ANKRD6: variants seen among roughly 807,000 people sequenced by gnomAD.
ANKRD6 encodes ankyrin repeat domain-containing protein 6.
Under a neutral mutation model 82.3 loss-of-function variants are expected in ANKRD6, and 56 were observed. That is an observed-to-expected ratio of 0.68 (90% CI 0.55 to 0.85). ANKRD6 has a LOEUF of 0.85. Among genes scored for constraint, ANKRD6 ranks in the 40% least tolerant of loss-of-function variants. ANKRD6 has a pLI of 0.00. For missense variants in ANKRD6, 852 were observed against 907.6 expected (o/e 0.94, Z 0.79); for synonymous variants, 347 against 352.1 (o/e 0.99, Z 0.16).
intron 10 of ANKRD6, among the ~76,000 whole-genome samples, chr6:89,622,470 A>C (rs1213604198): frequency 6.6e-6 from 1 of 152,168 alleles, no homozygotes; most frequent in East Asian, 1.9e-4. Context: ...GGGCCCAGCA[A>C]TCTGTGTTGG....
chr6:89,512,748 T>A (rs1780704825), intron 1 of ANKRD6, among the ~76,000 whole-genome samples: 2 of 152,182 alleles, frequency 1.3e-5, no homozygotes, highest in Non-Finnish European at 2.9e-5. Context: ...CACATAAATA[T>A]CAATTTTAAT....
intron 1 of ANKRD6, among the ~76,000 whole-genome samples, chr6:89,538,727 G>A (rs922930392): frequency 6.6e-6 from 1 of 152,064 alleles, no homozygotes; most frequent in African/African-American, 2.4e-5. Flanking sequence ...TATCTAGGGG[G>A]AAATTCCATC....
chr6:89,624,441 C>T (rs1424242850), intron 12 of ANKRD6, 98 bp from the exon 13 acceptor site: 5 of 1,412,940 alleles, frequency 3.5e-6, no homozygotes, highest in Non-Finnish European at 4.8e-6. Flanking sequence ...TCCATCATCT[C>T]TATCCCCTGG....
At chr6:89,450,540 A>AGG (rs1467613319) in intron 1 of ANKRD6, among the ~76,000 whole-genome samples, 1 of 152,162 alleles carries the variant, frequency 6.6e-6, no homozygotes, top group Non-Finnish European at 1.5e-5. Flanking sequence ...TATTTTTCAG[A>AGG]GGGAGTCTCA....
intron 1 of ANKRD6, among the ~76,000 whole-genome samples, chr6:89,543,373 T>G (rs912214564): frequency 3.3e-5 from 5 of 152,214 alleles, no homozygotes; most frequent in African/African-American, 1.2e-4. Flanking sequence ...ATTTATATAC[T>G]TGGGGACAAG....
chr6:89,489,354 A>C (rs910165844), intron 1 of ANKRD6, among the ~76,000 whole-genome samples: 1 of 152,188 alleles, frequency 6.6e-6, no homozygotes, highest in African/African-American at 2.4e-5. Flanking sequence ...ACAGAACAGA[A>C]GGAAGTTTTT....
intron 10 of ANKRD6, 114 bp from the exon 11 acceptor site, chr6:89,623,296 A>G (rs1436665658): frequency 1.3e-5 from 18 of 1,355,304 alleles, no homozygotes; most frequent in Non-Finnish European, 1.7e-5. Flanking sequence ...GTTATTTGCA[A>G]AGGTTCTCGT....
intron 13 of ANKRD6, among the ~76,000 whole-genome samples, chr6:89,625,479 G>A (rs1483402896): frequency 6.6e-6 from 1 of 152,092 alleles, no homozygotes; most frequent in Non-Finnish European, 1.5e-5. Context: ...GTGAATGCTT[G>A]TATATAATCC....
chr6:89,591,471 G>A (rs75711656), intron 2 of ANKRD6, among the ~76,000 whole-genome samples: 3,887 of 152,296 alleles, frequency 0.026, 184 homozygotes, highest in African/African-American at 0.089. Context: ...AGTCCTAGGG[G>A]CATGGAAATG....
At chr6:89,488,866 ATCTATTCTAT>A (rs57575981) in intron 1 of ANKRD6, among the ~76,000 whole-genome samples, 6,787 of 143,188 alleles carry the variant, frequency 0.047, 285 homozygotes, top group African/African-American at 0.11. Context: ...AAATATATCG[ATCTATTCTAT>A]TCTATTCTAT....
At chr6:89,557,585 G>C (rs1786787145) in intron 1 of ANKRD6, among the ~76,000 whole-genome samples, 1 of 152,124 alleles carries the variant, frequency 6.6e-6, no homozygotes, top group South Asian at 2.1e-4. Context: ...CAGCCGGTGG[G>C]AGTGCAACAT....
chr6:89,562,290 G>A (rs1381199033), intron 1 of ANKRD6: 1 of 152,240 alleles, frequency 6.6e-6, no homozygotes, highest in African/African-American at 2.4e-5. Flanking sequence ...TGCTCAGCCA[G>A]ACCCTTGTCT....
At chr6:89,513,506 A>G (rs1396845327) in intron 1 of ANKRD6, among the ~76,000 whole-genome samples, 1 of 152,226 alleles carries the variant, frequency 6.6e-6, no homozygotes, top group Non-Finnish European at 1.5e-5. Context: ...TTTGCTTAGC[A>G]GGATATTTGC....
At chr6:89,596,295 T>G (rs1164186998) in intron 3 of ANKRD6, among the ~76,000 whole-genome samples, 1 of 152,044 alleles carries the variant, frequency 6.6e-6, no homozygotes, top group Non-Finnish European at 1.5e-5. Flanking sequence ...TTGTACAAAA[T>G]GCCTCAAAGG....
At position 89,630,752 on chromosome 6, in the gene ANKRD6, G is replaced by T; in HGVS notation, c.1932G>T (p.Gln644His). 6.2e-7 allele frequency: 1 copy of T among 1,613,718 alleles called. No individual in the cohort carries two copies. The highest frequency in any genetic ancestry group is 1.3e-5 in the African/African-American group (1 of 75,076). Residue 644 changes from glutamine (Q) to histidine (H), a missense_variant, in exon 16 of 16, where the codon CAG becomes CAT. By Grantham distance (24) the Gln-to-His change is conservative (BLOSUM62 0). Transcript: ENST00000339746. ...CCGCAGCCAGCAGCACCTGTGGGCA[G>T]CCGCCACCAGCCACAGGCAGCGAGC... is the stretch of plus-strand genomic sequence containing the variant. ...QQPAASSTCG[Q>H]PPPATGSEQT...
At chr6:89,579,634 G>T (rs186729666) in intron 2 of ANKRD6, among the ~76,000 whole-genome samples, 9 of 151,522 alleles carry the variant, frequency 5.9e-5, no homozygotes. Context: ...GTGCACGCCT[G>T]TAATCCCAGC....
intron 1 of ANKRD6, among the ~76,000 whole-genome samples, chr6:89,527,298 T>C (rs867029043): frequency 1.3e-5 from 2 of 152,214 alleles, no homozygotes; most frequent in South Asian, 2.1e-4. Context: ...TATACCATAA[T>C]TTAAAAATAC....
intron 1 of ANKRD6, among the ~76,000 whole-genome samples, chr6:89,549,979 C>T (rs112936564): frequency 0.049 from 7,380 of 152,004 alleles, 258 homozygotes; most frequent in South Asian, 0.13. Flanking sequence ...CACTGTAGAC[C>T]TAGCTACTCA....
intron 2 of ANKRD6, among the ~76,000 whole-genome samples, chr6:89,582,864 G>C (rs1440812319): frequency 1.3e-5 from 2 of 152,180 alleles, no homozygotes; most frequent in East Asian, 3.8e-4. Context: ...ATTATATGAG[G>C]TAATCCATGC....
Sources: allele counts gnomAD v4.1 joint callset (sites outside exome capture counted in the v4.1 genomes callset), GRCh38; gene constraint gnomAD v4.1.1; transcripts MANE v1.5; gene names NCBI Gene and HGNC (gene_info 2026-07-23, HGNC 2026-07-21).